The following SPICE1 variants were observed in gnomAD, a reference collection of about 807,000 sequenced individuals.
The protein encoded by SPICE1 is spindle and centriole-associated protein 1.
In SPICE1, 75 loss-of-function variants were observed where a neutral mutation model predicts 102.7. The observed-to-expected ratio is 0.73, with a 90% confidence interval of 0.61 to 0.88. The LOEUF is 0.88. SPICE1 is among the 40% of genes least tolerant of loss of function. SPICE1 has a pLI of 0.00. For missense variants in SPICE1, 979 were observed against 1,020.1 expected, an observed-to-expected ratio of 0.96 and a Z score of 0.55; for synonymous variants, 308 against 350.3, an observed-to-expected ratio of 0.88 and a Z score of 1.35.
At chr3:113,482,247 TTTGATGGGGTTG>T (rs1936528086) in intron 7 of SPICE1, among the ~76,000 whole-genome samples, 1 of 152,204 alleles carries the variant, frequency 6.6e-6, no homozygotes, top group African/African-American at 2.4e-5. Context: ...CCACCTACTT[TTTGATGGGGTTG>T]TTTTTTTCTT....
chr3:113,500,061 T>C (rs958260171), intron 3 of SPICE1, among the ~76,000 whole-genome samples: 1 of 151,696 alleles, frequency 6.6e-6, no homozygotes, highest in Non-Finnish European at 1.5e-5. Flanking sequence ...TACCAAGAAA[T>C]AATAATGTAG....
intron 6 of SPICE1, among the ~76,000 whole-genome samples, chr3:113,492,994 T>C (rs564161609): frequency 6.6e-6 from 1 of 152,336 alleles, no homozygotes; most frequent in Non-Finnish European, 1.5e-5. Context: ...ATACACCTAC[T>C]AGGTAAGCAC....
At chr3:113,475,385 A>G (rs1039599718) in intron 7 of SPICE1, among the ~76,000 whole-genome samples, 21 of 152,098 alleles carry the variant, frequency 1.4e-4, no homozygotes, top group Non-Finnish European at 2.4e-4. Flanking sequence ...TTCCTTCTGA[A>G]ACTATTCCAA....
chr3:113,450,248 C>T (rs1935613748), intron 15 of SPICE1, 88 bp downstream of exon 15: 1 of 1,498,292 alleles, frequency 6.7e-7, no homozygotes, highest in African/African-American at 1.4e-5. Context: ...TGCTCTGATA[C>T]TTCTTTTGGC....
intron 7 of SPICE1, among the ~76,000 whole-genome samples, chr3:113,486,709 T>C (rs1441448530): frequency 6.6e-6 from 1 of 151,856 alleles, no homozygotes; most frequent in Non-Finnish European, 1.5e-5. Flanking sequence ...ATCTGATTAC[T>C]ATACATTATA....
chr3:113,456,276 A>C (rs1028080038), intron 13 of SPICE1, among the ~76,000 whole-genome samples: 1 of 152,134 alleles, frequency 6.6e-6, no homozygotes, highest in Non-Finnish European at 1.5e-5. Context: ...CCCAATAATA[A>C]TAAACAGTTA....
intron 15 of SPICE1, chr3:113,449,713 G>A (rs1311112711): frequency 6.6e-6 from 1 of 152,286 alleles, no homozygotes; most frequent in African/African-American, 2.4e-5. Context: ...CTGACAATTA[G>A]AGCCTTCTCT....
At chr3:113,503,802 G>A (rs939092606) in intron 2 of SPICE1, among the ~76,000 whole-genome samples, 5 of 151,906 alleles carry the variant, frequency 3.3e-5, no homozygotes, top group Admixed American at 6.6e-5. Context: ...ACCTGGTGGC[G>A]GGCACCTGTA....
At chr3:113,502,787 T>G (rs531355668) in intron 3 of SPICE1, among the ~76,000 whole-genome samples, 5 of 148,650 alleles carry the variant, frequency 3.4e-5, no homozygotes, top group Middle Eastern at 3.6e-3. Context: ...CTGTTCCAAG[T>G]AAGGAATGGG....
intron 3 of SPICE1, among the ~76,000 whole-genome samples, chr3:113,502,885 C>T (rs1384556112): frequency 6.6e-6 from 1 of 151,872 alleles, no homozygotes; most frequent in Non-Finnish European, 1.5e-5. Context: ...CTGAAGATAT[C>T]TATAGATTTT....
At chr3:113,475,552 C>G (rs574146838) in intron 7 of SPICE1, among the ~76,000 whole-genome samples, 124 of 151,824 alleles carry the variant, frequency 8.2e-4, no homozygotes, top group Middle Eastern at 3.4e-3. Flanking sequence ...ACTGGCAAAC[C>G]GAATCCAGCA....
chr3:113,458,827 C>G (rs1029626976), intron 12 of SPICE1, among the ~76,000 whole-genome samples: 2 of 150,062 alleles, frequency 1.3e-5, no homozygotes, highest in Admixed American at 6.6e-5. Flanking sequence ...CCCCGCTGCC[C>G]CGTCTGAGAG....
chr3:113,453,677 G>A lies in SPICE1; in HGVS notation c.1931C>T (p.Ser644Leu), dbSNP rs757788230. Residue 644 changes from serine to leucine, a missense_variant, in exon 14 of 18, where the codon TCA (serine) becomes TTA (leucine). By Grantham distance (145) the Ser-to-Leu change is moderately radical. Transcript: ENST00000295872. ...NTQQSRSPTF[S>L]EELPVLGDGQ... ...ATCTCCCAGTACTGGGAGCTCTTCT[G>A]AGAATGTGGGGCTTCTTGACTGTTG... is the stretch of plus-strand genomic sequence containing the variant. 4 of 1,614,142 alleles carry A rather than the reference G, an allele frequency of 2.5e-6. No individual in the cohort carries two copies. The highest frequency in any genetic ancestry group is 3.4e-6 in the Non-Finnish European group (4 of 1,180,022).
At chr3:113,482,690 G>C (rs747881556) in intron 7 of SPICE1, among the ~76,000 whole-genome samples, 7 of 147,468 alleles carry the variant, frequency 4.7e-5, no homozygotes, top group Non-Finnish European at 7.7e-5. Flanking sequence ...TGTTTGTCTT[G>C]GGTTTGTCAA....
In SPICE1 at chr3:113,465,865, A is replaced by G. The variant is rs1395316155; in HGVS notation, c.1156-81T>C. 2.9e-6 allele frequency: 4 copies of G among 1,397,176 alleles called. No homozygotes were observed. In the East Asian group the frequency reaches 9.3e-5, roughly 33 times the overall value. The allele number at this position is 1,397,176 out of a possible 1,614,324, so 86.5% of individuals were successfully genotyped here. A position where few individuals can be genotyped will look rare whatever the true frequency, so the allele number is the denominator to read the frequency against. On this transcript the variant is annotated intron_variant, in intron 10 of 17. Transcript: ENST00000295872. ...AAGTTTGCACTCAAAGCTGGCAAAG[A>G]AGATATTTACAAAGAAGCATATATT...
intron 1 of SPICE1, chr3:113,514,284 G>GC (rs766155537): frequency 8.6e-5 from 18 of 208,348 alleles, no homozygotes; most frequent in Non-Finnish European, 1.7e-4. Context: ...GTTATGACTG[G>GC]ACTTAGTAAA....
At position 113,468,911 on chromosome 3, in the gene SPICE1, A is replaced by T. The variant is rs1292623108; in HGVS notation, c.752-12T>A. ...AGCATTCAGAGCAGCTAAAAGGAAG[A>T]ACATTTCCAAAAGTATCTCAAGTGA... On this transcript the variant is annotated splice_polypyrimidine_tract_variant and intron_variant, in intron 8 of 17. Transcript: ENST00000295872. The T allele has an allele frequency of 6.3e-7, 1 of 1,598,850 alleles. No individual in the cohort carries two copies. The highest frequency in any genetic ancestry group is 1.8e-5 in the Admixed American group (1 of 55,366).
chr3:113,514,727 C>G lies in SPICE1; in HGVS notation c.-1+170G>C, dbSNP rs541315579. 24 of 1,270,550 alleles carry G rather than the reference C, an allele frequency of 1.9e-5. No homozygotes were observed. In the African/African-American group the frequency reaches 3.5e-4, roughly 19 times the overall value. The allele number at this position is 1,270,550 out of a possible 1,614,324, so 78.7% of individuals were successfully genotyped here. A position where few individuals can be genotyped will look rare whatever the true frequency, so the allele number is the denominator to read the frequency against. On this transcript the variant is annotated intron_variant, in intron 1 of 17. Coordinates refer to ENST00000295872, the MANE Select transcript of SPICE1 (RefSeq NM_144718.4). ...ATGACGCTCCCGGTCCCAAAGCACC[C>G]TGGATAGTTTGCCTCTCTCCTGCTA...
chr3:113,446,829 T>A (rs949081843), intron 16 of SPICE1, among the ~76,000 whole-genome samples, 153 bp from the exon 17 acceptor site: 1 of 152,212 alleles, frequency 6.6e-6, no homozygotes. Flanking sequence ...GTAACTTATT[T>A]TCACCAACCT....
Sources: gnomAD v4.1 joint callset for allele counts (sites outside exome capture counted in the v4.1 genomes callset) on GRCh38, gnomAD v4.1.1 for gene constraint, MANE v1.5 for transcripts, NCBI Gene and HGNC (gene_info 2026-07-23, HGNC 2026-07-21) for gene names.